MCC: variants seen among roughly 807,000 people sequenced by gnomAD.
MCC encodes the protein MCC regulator of Wnt signaling pathway.
Under a neutral mutation model 116.2 loss-of-function variants are expected in MCC, and 90 were observed. That is an observed-to-expected ratio of 0.77 (90% CI 0.65 to 0.92). The LOEUF is 0.92. Ranked by LOEUF, MCC falls within the 40% of genes least tolerant of loss-of-function variation. The pLI is 0.00. For missense variants in MCC, 1,516 were observed against 1,312.2 expected, an observed-to-expected ratio of 1.16 and a Z score of -2.40; for synonymous variants, 578 against 510.5, an observed-to-expected ratio of 1.13 and a Z score of -1.78.
chr5:113,335,139 C>A (rs1471697880), intron 3 of MCC, among the ~76,000 whole-genome samples: 1 of 151,594 alleles, frequency 6.6e-6, no homozygotes, highest in African/African-American at 2.4e-5. Flanking sequence ...AGTTTGGTAA[C>A]CCCAAATTTG....
chr5:113,308,471 T>C (rs186493119), intron 3 of MCC, among the ~76,000 whole-genome samples: 2 of 152,060 alleles, frequency 1.3e-5, no homozygotes, highest in Non-Finnish European at 2.9e-5. Flanking sequence ...CCTCCTCAGG[T>C]TGCCCCATCC....
intron 3 of MCC, among the ~76,000 whole-genome samples, chr5:113,279,718 G>T (rs907192151): frequency 6.6e-6 from 1 of 152,072 alleles, no homozygotes; most frequent in African/African-American, 2.4e-5. Context: ...AAGCTCTTAC[G>T]AATTTTTAGA....
In MCC at chr5:113,473,391, G is replaced by A. The variant is rs147088757; in HGVS notation, c.170+14854C>T. 1.1e-4 allele frequency among the ~76,000 whole-genome samples: 17 copies of A among 152,188 alleles called. No homozygotes were observed. In the Middle Eastern group the frequency reaches 0.01, roughly 92 times the overall value. ...ATGTTTAAATTAGCTGGGCATGGGG[G>A]TGGATGCCTCTAGTTCCAGCTACTT... On this transcript the variant is annotated intron_variant, in intron 1 of 18. Coordinates refer to ENST00000408903, the MANE Select transcript of MCC (RefSeq NM_001085377.2).
At chr5:113,182,343 AC>A (rs1474367040) in intron 3 of MCC, among the ~76,000 whole-genome samples, 1 of 152,182 alleles carries the variant, frequency 6.6e-6, no homozygotes, top group Non-Finnish European at 1.5e-5. Flanking sequence ...GTGGGCACAT[AC>A]CCTTTTTCCT....
intron 1 of MCC, among the ~76,000 whole-genome samples, chr5:113,423,894 G>A (rs10053157): frequency 0.12 from 17,672 of 152,038 alleles, 1,778 homozygotes; most frequent in African/African-American, 0.27. Context: ...GAATTCAGGC[G>A]AAGTCCTCAC....
At chr5:113,138,935 G>A (rs889501534) in intron 5 of MCC, among the ~76,000 whole-genome samples, 3 of 152,144 alleles carry the variant, frequency 2.0e-5, no homozygotes, top group South Asian at 2.1e-4. Flanking sequence ...ATCCAGGTAA[G>A]GGAATTGGAT....
chr5:113,321,428 G>A (rs532422067), intron 3 of MCC, among the ~76,000 whole-genome samples: 1 of 152,312 alleles, frequency 6.6e-6, no homozygotes, highest in African/African-American at 2.4e-5. Flanking sequence ...AAATGATCAG[G>A]AAGGAGGTAA....
chr5:113,193,757 C>T (rs749089632), intron 3 of MCC, among the ~76,000 whole-genome samples: 2 of 152,224 alleles, frequency 1.3e-5, no homozygotes, highest in Non-Finnish European at 2.9e-5. Context: ...TCACACACTG[C>T]ACTTCCATTT....
chr5:113,054,566 C>T (rs191437818), intron 14 of MCC, among the ~76,000 whole-genome samples: 2 of 152,150 alleles, frequency 1.3e-5, no homozygotes, highest in Non-Finnish European at 2.9e-5. Flanking sequence ...GGAGCAGCAC[C>T]GAAGGGGGCT....
At chr5:113,364,261 C>CA (rs1561538962) in intron 2 of MCC, among the ~76,000 whole-genome samples, 6 of 79,786 alleles carry the variant, frequency 7.5e-5, no homozygotes, top group South Asian at 3.4e-4. Flanking sequence ...AAAAAAAAAA[C>CA]CAGAAAAAAA....
Position 113,385,272 on chromosome 5 carries a change from T to C in MCC, c.171-60A>G, listed in dbSNP as rs1175290405. 5.9e-6 allele frequency: 9 copies of C among 1,519,974 alleles called. No individual in the cohort carries two copies. In the African/African-American group the frequency reaches 1.3e-4, roughly 21 times the overall value. 94.2% of individuals were successfully genotyped at this position (1,519,974 alleles called of 1,614,324 possible). ...TGAGTGACATTTAAGCTAGAGAAACTGGTTAATGAAAAAAAAAAGGTATTT... is the reference window on the plus strand; with the variant it reads ...TGAGTGACATTTAAGCTAGAGAAACCGGTTAATGAAAAAAAAAAGGTATTT... On this transcript the variant is annotated intron_variant, in intron 1 of 18. Coordinates refer to ENST00000408903, the MANE Select transcript of MCC (RefSeq NM_001085377.2).
intron 3 of MCC, among the ~76,000 whole-genome samples, chr5:113,161,404 C>T (rs1760475632): frequency 6.6e-6 from 1 of 152,144 alleles, no homozygotes; most frequent in Admixed American, 6.5e-5. Flanking sequence ...CTGAATTGTT[C>T]ATAAATTTTT....
At chr5:113,351,862 TG>T (rs1189414852) in intron 2 of MCC, among the ~76,000 whole-genome samples, 1 of 152,158 alleles carries the variant, frequency 6.6e-6, no homozygotes, top group Non-Finnish European at 1.5e-5. Context: ...ACAACTGTTC[TG>T]GGGTAAGACA....
chr5:113,193,283 C>T (rs1490049103), intron 3 of MCC, among the ~76,000 whole-genome samples: 1 of 151,280 alleles, frequency 6.6e-6, no homozygotes, highest in Admixed American at 6.6e-5. Flanking sequence ...GATTCTTAAT[C>T]GCATATGCAA....
At chr5:113,164,196 C>G (rs1253776690) in intron 3 of MCC, among the ~76,000 whole-genome samples, 1 of 152,184 alleles carries the variant, frequency 6.6e-6, no homozygotes, top group Non-Finnish European at 1.5e-5. Context: ...ATCCTGTCTA[C>G]AGTGCTGCCT....
At chr5:113,059,804 G>A (rs2150227020) in intron 14 of MCC, among the ~76,000 whole-genome samples, 1 of 152,320 alleles carries the variant, frequency 6.6e-6, no homozygotes, top group Admixed American at 6.5e-5. Context: ...CTGTAGCCTG[G>A]TGGGAATGCG....
intron 6 of MCC, among the ~76,000 whole-genome samples, chr5:113,120,603 T>C (rs937930710): frequency 7.2e-5 from 11 of 152,214 alleles, no homozygotes; most frequent in African/African-American, 2.7e-4. Flanking sequence ...TTTAAACACA[T>C]GTTATGTGCC....
At chr5:113,349,606 T>C (rs1041193875) in intron 2 of MCC, among the ~76,000 whole-genome samples, 3 of 151,806 alleles carry the variant, frequency 2.0e-5, no homozygotes, top group Non-Finnish European at 4.4e-5. Context: ...TGGGGAAAAA[T>C]TGAAAGTCTT....
At position 113,024,403 on chromosome 5, in the gene MCC, C is replaced by T. The variant is rs1750382696; in HGVS notation, c.*2899G>A. On this transcript the variant is annotated 3_prime_UTR_variant, in exon 19 of 19. Transcript: ENST00000408903. ...CACTCGCAACTACGGACAGAAGTCTCTTTTGCTTGTGATTTGCACAGTTGG... is the reference window on the plus strand; with the variant it reads ...CACTCGCAACTACGGACAGAAGTCTTTTTTGCTTGTGATTTGCACAGTTGG... 6.6e-6 allele frequency: 1 copy of T among 152,176 alleles called. No individual in the cohort carries two copies. The highest frequency in any genetic ancestry group is 2.1e-4 in the South Asian group (1 of 4,828). The allele number at this position is 152,176 out of a possible 1,614,324, so 9.4% of individuals were successfully genotyped here. A position where few individuals can be genotyped will look rare whatever the true frequency, so the allele number is the denominator to read the frequency against.
Sources: allele counts gnomAD v4.1 joint callset (sites outside exome capture counted in the v4.1 genomes callset), GRCh38; gene constraint gnomAD v4.1.1; transcripts MANE v1.5; gene names NCBI Gene and HGNC (gene_info 2026-07-23, HGNC 2026-07-21).